ULK4: variants seen among roughly 807,000 people sequenced by gnomAD.
The protein encoded by ULK4 is unc-51 like kinase 4.
In ULK4, 133 loss-of-function variants were observed where a neutral mutation model predicts 160.6. The ratio of observed to expected loss-of-function variants is 0.83; its 90% CI spans 0.72 to 0.96. ULK4 has a LOEUF of 0.96. Among genes scored for constraint, ULK4 ranks in the 40% least tolerant of loss-of-function variants. The pLI is 0.00. For missense variants in ULK4, 1,580 were observed against 1,499.5 expected (o/e 1.05, Z -0.89); for synonymous variants, 534 against 539.8 (o/e 0.99, Z 0.15).
chr3:41,503,024 A>C lies in ULK4; in HGVS notation c.3227-39771T>G, dbSNP rs181092470. 4.3e-3 allele frequency among the ~76,000 whole-genome samples: 648 copies of C among 152,296 alleles called. 3 individuals carry two copies. Among genetic ancestry groups the C allele is most frequent in the Non-Finnish European group, 7.7e-3 (524 of 68,018 alleles). On this transcript the variant is annotated intron_variant, in intron 32 of 36. Transcript: ENST00000301831. Reference sequence around the variant, plus strand: ...AATACAACTATTGATAAATTAGCCTAAGGAAAAAAAAATGTACTTTAGATA... The same window carrying C: ...AATACAACTATTGATAAATTAGCCTCAGGAAAAAAAAATGTACTTTAGATA...
At chr3:41,305,801 A>G (rs2079904786) in intron 35 of ULK4, among the ~76,000 whole-genome samples, 1 of 141,800 alleles carries the variant, frequency 7.1e-6, no homozygotes, top group African/African-American at 2.7e-5. Flanking sequence ...CCGCCATCAC[A>G]TCTAGGAAGT....
rs2086978431 is a variant in ULK4 at position 41,549,252 on chromosome 3, G to A, written c.3226+16773C>T. 2.6e-5 allele frequency among the ~76,000 whole-genome samples: 4 copies of A among 151,062 alleles called. No homozygotes were observed. In the Admixed American group the frequency reaches 2.7e-4, roughly 10 times the overall value. On this transcript the variant is annotated intron_variant, in intron 32 of 36. Transcript: ENST00000301831. ...AAGAATTGAAACTAATGATATTAAA[G>A]AGGCTCAGTGAAATATAAGACAATA...
intron 17 of ULK4, among the ~76,000 whole-genome samples, chr3:41,860,902 G>C (rs1443335383): frequency 6.8e-6 from 1 of 146,230 alleles, no homozygotes; most frequent in South Asian, 2.1e-4. Flanking sequence ...TTTTGTTGTT[G>C]TTTGTTTGTT....
At chr3:41,660,296 CAA>C (rs138698771) in intron 30 of ULK4, among the ~76,000 whole-genome samples, 1 of 140,340 alleles carries the variant, frequency 7.1e-6, no homozygotes, top group African/African-American at 2.6e-5. Context: ...AACTCCGTCT[CAA>C]AAAAAAAAGA....
chr3:41,768,634 T>C (rs777509192), intron 21 of ULK4, among the ~76,000 whole-genome samples: 37 of 152,328 alleles, frequency 2.4e-4, no homozygotes, highest in Non-Finnish European at 4.4e-4. Context: ...GAATGAGCCA[T>C]CTGGAACGGA....
intron 17 of ULK4, among the ~76,000 whole-genome samples, chr3:41,871,202 G>A (rs1293051496): frequency 6.6e-6 from 1 of 152,042 alleles, no homozygotes; most frequent in Admixed American, 6.6e-5. Flanking sequence ...TTCTCACACT[G>A]TAATTTCAAG....
rs143051562 is a variant in ULK4, at chr3:41,313,159, G to C, written c.3679-63585C>G. On this transcript the variant is annotated intron_variant, in intron 35 of 36. Coordinates refer to ENST00000301831, the MANE Select transcript of ULK4 (RefSeq NM_017886.4). ...AAACACCATGAGGAATGAAAAGAGG[G>C]GAATAGAGACACAGCAGAGATGAAA... Among the ~76,000 whole-genome samples the C allele has an allele frequency of 6.4e-3, 967 of 152,006 alleles. 8 individuals are homozygous for C. Among genetic ancestry groups the C allele is most frequent in the African/African-American group, 0.022 (926 of 41,440 alleles).
chr3:41,707,932 C>T (rs1012427303), intron 25 of ULK4, among the ~76,000 whole-genome samples: 2 of 151,444 alleles, frequency 1.3e-5, no homozygotes, highest in Admixed American at 6.6e-5. Flanking sequence ...CATCACTAAC[C>T]AGGGAAAGGA....
intron 35 of ULK4, among the ~76,000 whole-genome samples, chr3:41,379,846 G>C: frequency 6.6e-6 from 1 of 152,168 alleles, no homozygotes; most frequent in Non-Finnish European, 1.5e-5. Context: ...GGGATCATAG[G>C]TTTGCTATGC....
At chr3:41,886,490 C>A (rs1697726145) in intron 16 of ULK4, among the ~76,000 whole-genome samples, 1 of 152,040 alleles carries the variant, frequency 6.6e-6, no homozygotes, top group South Asian at 2.1e-4. Flanking sequence ...CAATGTAAAT[C>A]TCAGTAGAAT....
At chr3:41,574,973 T>G (rs1218774562) in intron 31 of ULK4, among the ~76,000 whole-genome samples, 3 of 152,110 alleles carry the variant, frequency 2.0e-5, no homozygotes, top group East Asian at 1.9e-4. Flanking sequence ...CACAGCCCAG[T>G]TTCTGTCCAC....
At chr3:41,259,024 A>G (rs1255239952) in intron 35 of ULK4, among the ~76,000 whole-genome samples, 1 of 149,084 alleles carries the variant, frequency 6.7e-6, no homozygotes, top group Non-Finnish European at 1.5e-5. Flanking sequence ...ATACATATCT[A>G]TGTGTATATA....
chr3:41,785,472 G>A (rs982575973), intron 21 of ULK4, among the ~76,000 whole-genome samples: 1 of 152,150 alleles, frequency 6.6e-6, no homozygotes, highest in Admixed American at 6.5e-5. Flanking sequence ...AGTCTTCTAA[G>A]TTTTCTGTAG....
In ULK4 at chr3:41,657,989, T is replaced by C. The variant is rs148528089; in HGVS notation, c.3071+5618A>G. ...CAAATAAACAGACCACTTACAAAAA[T>C]TGACCATATATTAGGCCAAAGCAAA... On this transcript the variant is annotated intron_variant, in intron 30 of 36. Coordinates refer to ENST00000301831, the MANE Select transcript of ULK4 (RefSeq NM_017886.4). 3.8e-4 allele frequency among the ~76,000 whole-genome samples: 58 copies of C among 152,140 alleles called. No homozygotes were observed. In the East Asian group the frequency reaches 0.011, roughly 29 times the overall value.
chr3:41,607,755 A>C (rs1271584351), intron 31 of ULK4, among the ~76,000 whole-genome samples: 3 of 152,196 alleles, frequency 2.0e-5, no homozygotes, highest in Admixed American at 6.5e-5. Flanking sequence ...TAAATATTAC[A>C]TGGTCATTAA....
intron 32 of ULK4, among the ~76,000 whole-genome samples, chr3:41,471,856 T>C (rs2083999748): frequency 6.7e-6 from 1 of 149,900 alleles, no homozygotes; most frequent in African/African-American, 2.4e-5. Flanking sequence ...GCAAAAGCAG[T>C]TCTGAGAAAA....
intron 35 of ULK4, among the ~76,000 whole-genome samples, chr3:41,373,541 G>A (rs773529571): frequency 2.6e-5 from 4 of 152,158 alleles, no homozygotes; most frequent in African/African-American, 4.8e-5. Context: ...TGACTACTCA[G>A]TAAATAGCAA....
chr3:41,474,821 T>TAAA (rs34840621), intron 32 of ULK4, among the ~76,000 whole-genome samples: 50,772 of 140,396 alleles, frequency 0.36, 9,515 homozygotes, highest in African/African-American at 0.46. Context: ...TGATTATTAT[T>TAAA]AAAAAAAAAA....
chr3:41,932,107 ATTCT>A lies in ULK4; in HGVS notation c.379-105_379-102del, dbSNP rs1259034421. ...TACTAAAGAACTTTTCAGCATTGCT[ATTCT>A]TTATCAGAACTCAGAAAAATAAATG... is the stretch of plus-strand genomic sequence containing the variant. On this transcript the variant is annotated intron_variant, in intron 4 of 36. Transcript: ENST00000301831. The A allele has an allele frequency of 4.0e-6, 4 of 996,152 alleles. No individual in the cohort carries two copies. The South Asian group carries it at 7.2e-5, about 18-fold the overall frequency. The allele number at this position is 996,152 out of a possible 1,614,324, so 61.7% of individuals were successfully genotyped here.
Sources: allele counts gnomAD v4.1 joint callset (sites outside exome capture counted in the v4.1 genomes callset), GRCh38; gene constraint gnomAD v4.1.1; transcripts MANE v1.5; gene names NCBI Gene and HGNC (gene_info 2026-07-23, HGNC 2026-07-21).